The following SCAF8 variants were observed in gnomAD, a reference collection of about 807,000 sequenced individuals.
SCAF8 encodes SR-related and CTD-associated factor 8.
In SCAF8, 23 loss-of-function variants were observed where a neutral mutation model predicts 140.5. The ratio of observed to expected loss-of-function variants is 0.16; its 90% CI spans 0.12 to 0.23. The LOEUF is 0.23. SCAF8 is among the 10% of genes least tolerant of loss of function. The pLI is 1.00. For synonymous variants in SCAF8, 575 were observed against 528.9 expected, an observed-to-expected ratio of 1.09 and a Z score of -1.20; for missense variants, 1,397 against 1,555.7, an observed-to-expected ratio of 0.90 and a Z score of 1.72.
chr6:154,739,246 C>T (rs1778506026), intron 1 of SCAF8, among the ~76,000 whole-genome samples: 1 of 152,086 alleles, frequency 6.6e-6, no homozygotes. Flanking sequence ...GCTGTGTTGA[C>T]CTCCCAAAGT....
chr6:154,828,210 A>G (rs1450970304), intron 18 of SCAF8, among the ~76,000 whole-genome samples: 1 of 152,196 alleles, frequency 6.6e-6, no homozygotes, highest in African/African-American at 2.4e-5. Context: ...TGATCTTTCT[A>G]AATGTATAAT....
intron 1 of SCAF8, among the ~76,000 whole-genome samples, chr6:154,754,080 C>G (rs1008008769): frequency 6.6e-6 from 1 of 152,152 alleles, no homozygotes; most frequent in Non-Finnish European, 1.5e-5. Context: ...TGGAGTTAGT[C>G]TATTTTAATA....
At chr6:154,813,147 C>T in intron 12 of SCAF8, among the ~76,000 whole-genome samples, 1 of 152,034 alleles carries the variant, frequency 6.6e-6, no homozygotes, top group African/African-American at 2.4e-5. Context: ...TGAGAAGCTG[C>T]AGTGGGATAT....
At position 154,791,730 on chromosome 6, in the gene SCAF8, G is replaced by A. The variant is rs143992040; in HGVS notation, c.322-1093G>A. The stretch of plus-strand genomic sequence containing the variant: ...TCGTAAATATTTCATGAATTTTATA[G>A]CAGCTGCCATATGACTGACTGGAAC... On this transcript the variant is annotated intron_variant, in intron 4 of 19. Transcript: ENST00000367178. 5.6e-3 allele frequency among the ~76,000 whole-genome samples: 859 copies of A among 152,192 alleles called. 13 individuals carry two copies. The highest frequency in any genetic ancestry group is 0.02 in the African/African-American group (815 of 41,512).
chr6:154,792,734 C>T (rs1189711568), intron 4 of SCAF8, 89 bp from the exon 5 acceptor site: 3 of 836,568 alleles, frequency 3.6e-6, no homozygotes, highest in Non-Finnish European at 5.4e-6. Context: ...TTTCTCCTTT[C>T]CATCCAGGGC....
chr6:154,753,278 C>G (rs1033610371), intron 1 of SCAF8, among the ~76,000 whole-genome samples: 30 of 152,110 alleles, frequency 2.0e-4, no homozygotes, highest in African/African-American at 6.5e-4. Flanking sequence ...CCAGCCTAGT[C>G]AATACGGTGA....
At chr6:154,783,444 A>G (rs944342824) in intron 3 of SCAF8, among the ~76,000 whole-genome samples, 6 of 152,174 alleles carry the variant, frequency 3.9e-5, no homozygotes, top group Admixed American at 2.0e-4. Flanking sequence ...ATGAGTTACT[A>G]TTGCCTTAAT....
At chr6:154,790,052 A>G (rs1318679601) in intron 4 of SCAF8, among the ~76,000 whole-genome samples, 3 of 151,808 alleles carry the variant, frequency 2.0e-5, no homozygotes, top group East Asian at 1.9e-4. Flanking sequence ...ATTTCATAAT[A>G]TAATATCTCA....
At chr6:154,742,896 C>G (rs909467748) in intron 1 of SCAF8, among the ~76,000 whole-genome samples, 6 of 152,032 alleles carry the variant, frequency 3.9e-5, no homozygotes, top group African/African-American at 1.4e-4. Flanking sequence ...TTCATTCTTT[C>G]ATTAATTTGT....
In SCAF8 at chr6:154,803,532, T is replaced by C. The variant is rs371639180; in HGVS notation, c.784-12T>C. The C allele has an allele frequency of 1.3e-4, 201 of 1,602,288 alleles. No homozygotes were observed. The highest frequency in any genetic ancestry group is 1.5e-4 in the Non-Finnish European group (175 of 1,170,310). ...ACTTTTTAATATGTCTGTTTCTCCT[T>C]CTTTCCCCCAGAAGTTGATGGATAG... On this transcript the variant is annotated splice_polypyrimidine_tract_variant and intron_variant, in intron 7 of 19. Coordinates refer to ENST00000367178, the MANE Select transcript of SCAF8 (RefSeq NM_014892.5).
At position 154,830,216 on chromosome 6, in the gene SCAF8, T is replaced by G. The variant is rs369865258; in HGVS notation, c.2141-706T>G. 2.9e-4 allele frequency among the ~76,000 whole-genome samples: 44 copies of G among 152,350 alleles called. 1 individual carries two copies. In the South Asian group the frequency reaches 8.7e-3, roughly 30 times the overall value. Reference sequence around the variant, plus strand: ...TGTTTTTATTTTTGTAGCTCTGTTGTATGCTAACAGTTTGTTCAGGTAATC... The same window carrying G: ...TGTTTTTATTTTTGTAGCTCTGTTGGATGCTAACAGTTTGTTCAGGTAATC... On this transcript the variant is annotated intron_variant, in intron 18 of 19. Transcript: ENST00000367178.
chr6:154,743,207 T>C (rs1268590384), intron 1 of SCAF8, among the ~76,000 whole-genome samples: 1 of 152,214 alleles, frequency 6.6e-6, no homozygotes, highest in African/African-American at 2.4e-5. Flanking sequence ...TGTCCACTGT[T>C]CAAAATAGAG....
chr6:154,809,948 C>CT, intron 11 of SCAF8, 67 bp from the exon 12 acceptor site: 1 of 1,281,474 alleles, frequency 7.8e-7, no homozygotes, highest in Non-Finnish European at 1.1e-6. Flanking sequence ...TTTTCCCTCA[C>CT]TTAGAAGTGA....
chr6:154,822,436 T>C (rs764159994), intron 16 of SCAF8, 27 bp downstream of exon 16: 5 of 1,575,598 alleles, frequency 3.2e-6, no homozygotes, highest in Admixed American at 2.0e-5. Flanking sequence ...GGTTTTTTTT[T>C]TCTTGTGTTG....
chr6:154,774,822 C>A (rs564320110), intron 2 of SCAF8, among the ~76,000 whole-genome samples: 3 of 152,080 alleles, frequency 2.0e-5, no homozygotes, highest in Admixed American at 1.3e-4. Flanking sequence ...TAAACATATG[C>A]GCAAAATTTT....
Position 154,832,794 on chromosome 6 carries a change from T to A in SCAF8, c.3215T>A (p.Val1072Glu). ...CCTGTAGATATAAGAGAGAATCTTG[T>A]GAGGCCAGGTATAGATCATCTTGGT... ...RPPVDIRENL[V>E]RPGIDHLGRR... The change falls in exon 20 of 20, where the codon GTG becomes GAG. Residue 1072 changes from valine to glutamate, a missense_variant. Coordinates refer to ENST00000367178, the MANE Select transcript of SCAF8 (RefSeq NM_014892.5). The A allele has an allele frequency of 6.2e-7, 1 of 1,613,796 alleles. No individual in the cohort carries two copies. The highest frequency in any genetic ancestry group is 8.5e-7 in the Non-Finnish European group (1 of 1,179,972).
At chr6:154,749,327 T>C (rs1404173199) in intron 1 of SCAF8, among the ~76,000 whole-genome samples, 1 of 152,180 alleles carries the variant, frequency 6.6e-6, no homozygotes, top group African/African-American at 2.4e-5. Flanking sequence ...TTTAATACAA[T>C]AATAGCCTAT....
chr6:154,831,886 T>G, intron 19 of SCAF8, 53 bp from the exon 20 acceptor site: 1 of 1,476,124 alleles, frequency 6.8e-7, no homozygotes, highest in East Asian at 2.3e-5. Flanking sequence ...GCTAAAATTA[T>G]TGGAAACTTT....
Position 154,790,266 on chromosome 6 carries a change from C to T in SCAF8, c.321+2244C>T, listed in dbSNP as rs569243936. On this transcript the variant is annotated intron_variant, in intron 4 of 19. Transcript: ENST00000367178. The stretch of plus-strand genomic sequence containing the variant: ...AAAGCAGAAGAACATAAGGCATTTT[C>T]CAAGTGCTCATGTTTTAGAGTGGAG... 2.6e-5 allele frequency among the ~76,000 whole-genome samples: 4 copies of T among 152,178 alleles called. No individual in the cohort carries two copies. In the South Asian group the frequency reaches 8.3e-4, roughly 32 times the overall value.
Sources: gnomAD v4.1 joint callset for allele counts (sites outside exome capture counted in the v4.1 genomes callset) on GRCh38, gnomAD v4.1.1 for gene constraint, MANE v1.5 for transcripts, NCBI Gene and HGNC (gene_info 2026-07-23, HGNC 2026-07-21) for gene names.